MET: variants seen among roughly 807,000 people sequenced by gnomAD.
MET encodes the protein hepatocyte growth factor receptor.
A neutral mutation model predicts 133.1 loss-of-function variants in MET; 48 were observed. The observed-to-expected ratio is 0.36, with a 90% CI of 0.29 to 0.46. The LOEUF is 0.46. Ranked by LOEUF, MET falls within the 20% of genes least tolerant of loss-of-function variation. The pLI is 1.00. For missense variants in MET, 1,442 were observed against 1,695.9 expected (o/e 0.85, Z 2.63); for synonymous variants, 628 against 616.5 (o/e 1.02, Z -0.28).
chr7:116,722,911 A>G (rs1217247389), intron 2 of MET, among the ~76,000 whole-genome samples: 28 of 144,220 alleles, frequency 1.9e-4, no homozygotes, highest in African/African-American at 6.5e-4. Flanking sequence ...GGCTGCCCTT[A>G]ACATTTTTTC....
chr7:116,675,938 T>TA (rs1207763636), intron 1 of MET, among the ~76,000 whole-genome samples: 5 of 152,190 alleles, frequency 3.3e-5, no homozygotes, highest in Non-Finnish European at 5.9e-5. Flanking sequence ...TCAGCTGTGT[T>TA]AAACAGGTTA....
chr7:116,696,937 C>T (rs531426294), intron 1 of MET, among the ~76,000 whole-genome samples: 5 of 152,300 alleles, frequency 3.3e-5, no homozygotes, highest in South Asian at 2.1e-4. Context: ...TTCTCATTTC[C>T]GCCTCTGTTC....
chr7:116,734,394 G>A (rs915614772), intron 3 of MET, among the ~76,000 whole-genome samples: 1 of 152,202 alleles, frequency 6.6e-6, no homozygotes, highest in Non-Finnish European at 1.5e-5. Flanking sequence ...GCTCTGGCTG[G>A]GAACACAAGC....
At chr7:116,698,936 A>T in intron 1 of MET, 135 bp from the exon 2 acceptor site, 1 of 1,215,630 alleles carries the variant, frequency 8.2e-7, no homozygotes, top group Non-Finnish European at 1.2e-6. Context: ...GAAACTTGCT[A>T]GAGTTTTTGT....
chr7:116,687,012 G>C (rs912256083), intron 1 of MET, among the ~76,000 whole-genome samples: 4 of 152,226 alleles, frequency 2.6e-5, no homozygotes, highest in African/African-American at 9.6e-5. Context: ...ACTGACATGC[G>C]CACACCTTTA....
intron 2 of MET, among the ~76,000 whole-genome samples, chr7:116,716,509 GAAAGA>G (rs1792237866): frequency 1.3e-5 from 2 of 150,382 alleles, no homozygotes; most frequent in African/African-American, 4.9e-5. Context: ...AAGAAAGAAA[GAAAGA>G]AAGAAAGAAA....
intron 11 of MET, among the ~76,000 whole-genome samples, chr7:116,767,877 T>A (rs1794681640): frequency 6.6e-6 from 1 of 151,244 alleles, no homozygotes; most frequent in Admixed American, 6.6e-5. Context: ...TTTAAAATTT[T>A]TCCTTTTTTG....
Position 116,792,639 on chromosome 7 carries a change from C to G in MET, c.3799-3016C>G, listed in dbSNP as rs547668588. On this transcript the variant is annotated intron_variant, in intron 19 of 20. Coordinates refer to ENST00000397752, the MANE Select transcript of MET (RefSeq NM_000245.4). ...GACAATACAATGCTCTTCCTGGAAA[C>G]CTTCTTCCTCTTACCTCCCTGTCCC... Among the ~76,000 whole-genome samples, 6 of 152,252 alleles carry G rather than the reference C, an allele frequency of 3.9e-5. No individual in the cohort carries two copies. In the South Asian group the frequency reaches 1.2e-3, roughly 32 times the overall value.
At chr7:116,676,290 A>T (rs1014671187) in intron 1 of MET, among the ~76,000 whole-genome samples, 9 of 152,248 alleles carry the variant, frequency 5.9e-5, no homozygotes, top group Non-Finnish European at 1.3e-4. Context: ...TTGAAAATGT[A>T]TCTCTCCTAA....
chr7:116,733,969 C>T (rs947104858), intron 3 of MET, among the ~76,000 whole-genome samples: 3 of 152,080 alleles, frequency 2.0e-5, no homozygotes, highest in Non-Finnish European at 4.4e-5. Flanking sequence ...ATAAAGAAAC[C>T]TAAAGCATTT....
intron 19 of MET, among the ~76,000 whole-genome samples, chr7:116,794,017 G>C (rs879274787): frequency 4.6e-5 from 7 of 151,384 alleles, no homozygotes; most frequent in Non-Finnish European, 1.0e-4. Context: ...AAGTCTCCCT[G>C]TTCCTCAAGA....
intron 1 of MET, among the ~76,000 whole-genome samples, chr7:116,681,878 A>G (rs1796373183): frequency 6.6e-6 from 1 of 152,230 alleles, no homozygotes; most frequent in African/African-American, 2.4e-5. Context: ...ATGAGTATCA[A>G]ATAGTATGAT....
chr7:116,755,565 G>C, intron 6 of MET, 50 bp downstream of exon 6: 1 of 1,607,498 alleles, frequency 6.2e-7, no homozygotes, highest in South Asian at 1.1e-5. Flanking sequence ...AATAGGTTTT[G>C]TTTTTGAATG....
rs1056858110 is a variant in MET, at chr7:116,679,403, C to G, written c.-15+6826C>G. Among the ~76,000 whole-genome samples, 10 of 152,136 alleles carry G rather than the reference C, an allele frequency of 6.6e-5. 1 individual carries two copies. The highest frequency in any genetic ancestry group is 2.9e-5 in the Non-Finnish European group (2 of 68,006). On this transcript the variant is annotated intron_variant, in intron 1 of 20. Coordinates refer to ENST00000397752, the MANE Select transcript of MET (RefSeq NM_000245.4). ...TTCATTTTGCACCATGAAGCAACTG[C>G]CTTGCAAAGAGTGCTGAAAATAGGA...
intron 11 of MET, among the ~76,000 whole-genome samples, chr7:116,767,857 G>A (rs1490493501): frequency 1.3e-5 from 2 of 150,382 alleles, no homozygotes; most frequent in Non-Finnish European, 3.0e-5. Flanking sequence ...ACAAAAATTA[G>A]CCTATACCTT....
chr7:116,682,044 T>C (rs1796379276), intron 1 of MET, among the ~76,000 whole-genome samples: 1 of 152,210 alleles, frequency 6.6e-6, no homozygotes, highest in South Asian at 2.1e-4. Flanking sequence ...TTTATTTCGG[T>C]CTCACTAACA....
chr7:116,706,215 T>C (rs1791786084), intron 2 of MET, among the ~76,000 whole-genome samples: 1 of 152,156 alleles, frequency 6.6e-6, no homozygotes, highest in Non-Finnish European at 1.5e-5. Context: ...GCGTTAACTA[T>C]GCCGCATGCA....
intron 5 of MET, among the ~76,000 whole-genome samples, chr7:116,752,725 C>G (rs1476243774): frequency 1.3e-5 from 2 of 152,196 alleles, no homozygotes; most frequent in Admixed American, 6.5e-5. Context: ...CGTCTTTTCT[C>G]AAATCATCAC....
intron 19 of MET, among the ~76,000 whole-genome samples, chr7:116,788,383 A>C (rs970310147): frequency 1.3e-5 from 2 of 152,172 alleles, no homozygotes; most frequent in Non-Finnish European, 2.9e-5. Context: ...GCTGATTTAT[A>C]AAAAAAGAGC....
Sources: gnomAD v4.1 joint callset for allele counts (sites outside exome capture counted in the v4.1 genomes callset) on GRCh38, gnomAD v4.1.1 for gene constraint, MANE v1.5 for transcripts, NCBI Gene and HGNC (gene_info 2026-07-23, HGNC 2026-07-21) for gene names.